The following ABCA13 variants were observed in gnomAD, a reference collection of about 807,000 sequenced individuals.
ABCA13 encodes ATP binding cassette subfamily A member 13.
A neutral mutation model predicts 478.7 loss-of-function variants in ABCA13; 476 were observed. That is an observed-to-expected ratio of 0.99 (90% CI 0.92 to 1.07). The LOEUF (loss-of-function observed/expected upper bound fraction) is 1.07, where lower values mean the gene tolerates loss of function less well. Ranked by LOEUF, ABCA13 falls within the 50% of genes least tolerant of loss-of-function variation. ABCA13 has a pLI of 0.00. For missense variants in ABCA13, 6,060 were observed against 5,910.6 expected (o/e 1.03, Z -0.83); for synonymous variants, 2,252 against 2,158.9 (o/e 1.04, Z -1.20).
chr7:48,278,337 T>C lies in ABCA13; in HGVS notation c.7143T>C (p.Asn2381=). 2 of 1,613,134 alleles carry C rather than the reference T, an allele frequency of 1.2e-6. No homozygotes were observed. The highest frequency in any genetic ancestry group is 2.7e-5 in the African/African-American group (2 of 75,016). ...RETSMKNKTE[N]NIDFFTVVSQ... ...CTTCAATGAAAAATAAGACTGAAAA[T>C]AATATAGACTTTTTCACAGTGGTGA... Residue 2381 remains asparagine, a synonymous_variant, in exon 18 of 62, where the codon AAT becomes AAC. Transcript: ENST00000435803.
intron 29 of ABCA13, among the ~76,000 whole-genome samples, chr7:48,348,007 C>T (rs1270593813): frequency 6.6e-6 from 1 of 152,206 alleles, no homozygotes. Context: ...TGAGCAGGCA[C>T]CCAACTCCAT....
At chr7:48,343,321 G>C (rs969972852) in intron 29 of ABCA13, among the ~76,000 whole-genome samples, 3 of 152,182 alleles carry the variant, frequency 2.0e-5, no homozygotes, top group African/African-American at 7.2e-5. Flanking sequence ...GATGGAGGTA[G>C]ACTTCAGCCT....
chr7:48,563,130 C>T lies in ABCA13; in HGVS notation c.14355-17094C>T, dbSNP rs184730023. On this transcript the variant is annotated intron_variant, in intron 55 of 61. Coordinates refer to ENST00000435803, the MANE Select transcript of ABCA13 (RefSeq NM_152701.5). ...TAAATATCCAGGCTATAAAAAGGTA[C>T]AGTCAAGGTGTGTCAAAGTCACTGA... is the stretch of plus-strand genomic sequence containing the variant. 1.2e-3 allele frequency among the ~76,000 whole-genome samples: 183 copies of T among 152,176 alleles called. 1 individual carries two copies. Among genetic ancestry groups the T allele is most frequent in the African/African-American group, 4.3e-3 (179 of 41,534 alleles).
In ABCA13 at chr7:48,279,052, AG is replaced by A; in HGVS notation, c.7859del (p.Ser2620ThrfsTer6). The A allele has an allele frequency of 6.2e-7, 1 of 1,613,096 alleles. No homozygotes were observed. Among genetic ancestry groups the A allele is most frequent in the Non-Finnish European group, 8.5e-7 (1 of 1,179,768 alleles). On this transcript the variant is annotated frameshift_variant, in exon 18 of 62. Coordinates refer to ENST00000435803, the MANE Select transcript of ABCA13 (RefSeq NM_152701.5). LOFTEE classifies it high-confidence loss of function. ...CTCTGATATTTTCAGTATGTCACCT[AG>A]CATACTCTCATATATGAACCAATCT... Reference protein sequence around the residue: ...SNSDIFSMSPSILSYMNQSKD... With the variant: ...SNSDIFSMSPXILSYMNQSKD...
At chr7:48,442,540 A>T (rs1314520804) in intron 42 of ABCA13, among the ~76,000 whole-genome samples, 1 of 152,224 alleles carries the variant, frequency 6.6e-6, no homozygotes, top group South Asian at 2.1e-4. Flanking sequence ...CAATATACAT[A>T]AATCATTGAA....
At chr7:48,630,571 T>A (rs1399682050) in intron 59 of ABCA13, among the ~76,000 whole-genome samples, 1 of 152,222 alleles carries the variant, frequency 6.6e-6, no homozygotes, top group Non-Finnish European at 1.5e-5. Context: ...GTCATTTAGG[T>A]TGATTCCATG....
At chr7:48,424,566 A>G (rs1002009661) in intron 41 of ABCA13, among the ~76,000 whole-genome samples, 4 of 152,206 alleles carry the variant, frequency 2.6e-5, no homozygotes, top group African/African-American at 9.6e-5. Context: ...GTTGTGAACA[A>G]CAACTTACTG....
chr7:48,316,681 TGGCAC>T (rs1802634509), intron 26 of ABCA13, among the ~76,000 whole-genome samples: 1 of 152,180 alleles, frequency 6.6e-6, no homozygotes, highest in South Asian at 2.1e-4. Flanking sequence ...ACAAGAAGCA[TGGCAC>T]CAGCATCTGC....
At chr7:48,550,133 C>A (rs1377888469) in intron 55 of ABCA13, among the ~76,000 whole-genome samples, 1 of 151,770 alleles carries the variant, frequency 6.6e-6, no homozygotes, top group Non-Finnish European at 1.5e-5. Flanking sequence ...ATGAAGTCTT[C>A]ATAGGCAGAT....
chr7:48,332,341 G>A (rs1025909644), intron 27 of ABCA13, among the ~76,000 whole-genome samples: 9 of 152,178 alleles, frequency 5.9e-5, no homozygotes, highest in East Asian at 1.9e-4. Context: ...TACAAAGAAC[G>A]TCTGGCTCTA....
chr7:48,351,693 T>G (rs1222235661), intron 30 of ABCA13, among the ~76,000 whole-genome samples: 1 of 152,218 alleles, frequency 6.6e-6, no homozygotes, highest in Non-Finnish European at 1.5e-5. Flanking sequence ...TCTGAGGTAC[T>G]GGGGGTTAGG....
At position 48,276,102 on chromosome 7, in the gene ABCA13, T is replaced by C. The variant is rs1796267949; in HGVS notation, c.6436T>C (p.Phe2146Leu). The C allele has an allele frequency of 6.3e-7, 1 of 1,599,686 alleles. No individual in the cohort carries two copies. Among genetic ancestry groups the C allele is most frequent in the Non-Finnish European group, 8.5e-7 (1 of 1,172,226 alleles). The stretch of plus-strand genomic sequence containing the variant: ...TTACTCCAGAATGATAGAAACATTA[T>C]TCATTCCTGTGACCAATGAGAGTTC... ...EDYSRMIETL[F>L]IPVTNESSTE... The change falls in exon 17 of 62, where the codon TTC (phenylalanine) becomes CTC (leucine). Residue 2146 changes from phenylalanine (F) to leucine (L), a missense_variant. This residue lies in a region of ABCA13 where 4,423 missense variants were observed against 4,309.1 expected (regional missense o/e 1.03). Transcript: ENST00000435803.
chr7:48,456,031 C>T (rs892172742), intron 43 of ABCA13, among the ~76,000 whole-genome samples: 2 of 152,220 alleles, frequency 1.3e-5, no homozygotes, highest in Non-Finnish European at 2.9e-5. Flanking sequence ...ACGGCCATGG[C>T]TGTGATCCAG....
intron 29 of ABCA13, among the ~76,000 whole-genome samples, chr7:48,344,557 A>G (rs1478449587): frequency 6.6e-6 from 1 of 152,170 alleles, no homozygotes; most frequent in South Asian, 2.1e-4. Flanking sequence ...ATGTCCACCT[A>G]TATGTGAACC....
At chr7:48,588,562 T>C (rs1428445632) in intron 57 of ABCA13, among the ~76,000 whole-genome samples, 1 of 152,244 alleles carries the variant, frequency 6.6e-6, no homozygotes, top group Non-Finnish European at 1.5e-5. Context: ...GGAGTCTGAC[T>C]GACAAGCTTT....
chr7:48,469,575 T>C (rs1025296480), intron 44 of ABCA13, among the ~76,000 whole-genome samples: 2 of 152,138 alleles, frequency 1.3e-5, no homozygotes, highest in Non-Finnish European at 2.9e-5. Context: ...AGAGCTTTTG[T>C]TCTCTTAAGG....
At chr7:48,297,406 T>A in intron 22 of ABCA13, 95 bp downstream of exon 22, 2 of 1,198,060 alleles carry the variant, frequency 1.7e-6, no homozygotes, top group South Asian at 2.7e-5. Context: ...ACAGAAAATT[T>A]ATGCTATATG....
At chr7:48,230,090 T>G in intron 7 of ABCA13, 135 bp downstream of exon 7, 2 of 1,125,632 alleles carry the variant, frequency 1.8e-6, no homozygotes. Flanking sequence ...ATGAATTGTT[T>G]CTGTTAATAC....
At chr7:48,592,504 C>G (rs1364641448) in intron 57 of ABCA13, among the ~76,000 whole-genome samples, 2 of 151,744 alleles carry the variant, frequency 1.3e-5, no homozygotes, top group African/African-American at 4.8e-5. Flanking sequence ...TATATGGTCT[C>G]TCCTGGAGAG....
Sources: gnomAD v4.1 joint callset for allele counts (sites outside exome capture counted in the v4.1 genomes callset) on GRCh38, gnomAD v4.1.1 for gene constraint, gnomAD v4.1.1 regional missense constraint, MANE v1.5 for transcripts, NCBI Gene and HGNC (gene_info 2026-07-23, HGNC 2026-07-21) for gene names.